RAB3GAP2: variants seen among roughly 807,000 people sequenced by gnomAD.
RAB3GAP2 encodes RAB3 GTPase activating non-catalytic protein subunit 2, also known as rab3 GTPase-activating protein non-catalytic subunit.
In RAB3GAP2, 87 loss-of-function variants were observed where a neutral mutation model predicts 185.3. That is an observed-to-expected ratio of 0.47 (90% confidence interval 0.39 to 0.56). The LOEUF (loss-of-function observed/expected upper bound fraction) is 0.56, where lower values mean the gene tolerates loss of function less well. Among genes scored for constraint, RAB3GAP2 ranks in the 20% least tolerant of loss-of-function variants. RAB3GAP2 has a pLI of 0.00. For missense variants in RAB3GAP2, 1,492 were observed against 1,638.2 expected (o/e 0.91, Z 1.54); for synonymous variants, 554 against 576.1 (o/e 0.96, Z 0.55).
intron 1 of RAB3GAP2, among the ~76,000 whole-genome samples, chr1:220,257,008 C>G (rs1198269353): frequency 1.3e-5 from 2 of 152,210 alleles, no homozygotes; most frequent in African/African-American, 4.8e-5. Flanking sequence ...GTAAAACACT[C>G]CTCAGCAAAT....
At chr1:220,175,363 C>G (rs560294411) in intron 21 of RAB3GAP2, among the ~76,000 whole-genome samples, 2 of 151,966 alleles carry the variant, frequency 1.3e-5, no homozygotes. Context: ...GGACTACAGG[C>G]GCGAGCCACC....
Position 220,171,914 on chromosome 1 carries a change from A to C in RAB3GAP2, c.2552T>G (p.Ile851Arg). Residue 851 changes from isoleucine (I) to arginine (R), a missense_variant, in exon 23 of 35, where the codon ATA becomes AGA. Ile to Arg is a moderately conservative substitution (Grantham distance 97). Coordinates refer to ENST00000358951, the MANE Select transcript of RAB3GAP2 (RefSeq NM_012414.4). ...AHVGHSVAAQ[I>R]SNNMTEKKFS... ...TTTTTTCTCTGTCATGTTGTTTGAT[A>C]TCTGTGCAGCAACAGAATGCCCAAC... is the stretch of plus-strand genomic sequence containing the variant. The C allele has an allele frequency of 6.2e-7, 1 of 1,614,160 alleles. No individual in the cohort carries two copies. Among genetic ancestry groups the C allele is most frequent in the East Asian group, 2.2e-5 (1 of 44,874 alleles).
At chr1:220,268,033 A>G (rs1484234325) in intron 1 of RAB3GAP2, 3 of 500,990 alleles carry the variant, frequency 6.0e-6, no homozygotes, top group South Asian at 3.6e-5. Context: ...ATGTTTTTAC[A>G]TATCCTCTAG....
chr1:220,250,956 G>T (rs911246385), intron 1 of RAB3GAP2, among the ~76,000 whole-genome samples: 2 of 152,130 alleles, frequency 1.3e-5, no homozygotes, highest in Non-Finnish European at 1.5e-5. Flanking sequence ...CCAGTCTCAG[G>T]TTATTTCCTT....
At chr1:220,223,937 T>G (rs1206689818) in intron 2 of RAB3GAP2, among the ~76,000 whole-genome samples, 2 of 130,922 alleles carry the variant, frequency 1.5e-5, no homozygotes, top group Non-Finnish European at 3.1e-5. Context: ...GCCTGGGAGG[T>G]CGAGGCTGAA....
chr1:220,182,960 C>A, intron 19 of RAB3GAP2, 29 bp from the exon 20 acceptor site: 1 of 1,541,528 alleles, frequency 6.5e-7, no homozygotes, highest in Non-Finnish European at 8.9e-7. Flanking sequence ...AACAAAACAA[C>A]ATTCCACATC....
rs1350865023 is a variant in RAB3GAP2, at chr1:220,149,460, A to ATAAC, written c.*1787_*1790dup. ...GAGGATTTATTCTTTAAAAATACCT[A>ATAAC]TAACTCCAAGTTTCTTTGACTAGCC... On this transcript the variant is annotated 3_prime_UTR_variant, in exon 35 of 35. Transcript: ENST00000358951. 9 of 152,226 alleles carry ATAAC rather than the reference A, an allele frequency of 5.9e-5. No individual in the cohort carries two copies. Among genetic ancestry groups the ATAAC allele is most frequent in the Admixed American group, 5.9e-4 (9 of 15,282 alleles). The allele number at this position is 152,226 out of a possible 1,614,324, so 9.4% of individuals were successfully genotyped here. A position where few individuals can be genotyped will look rare whatever the true frequency, so the allele number is the denominator to read the frequency against.
intron 10 of RAB3GAP2, 40 bp downstream of exon 10, chr1:220,196,210 C>G (rs766164129): frequency 2.5e-6 from 4 of 1,598,978 alleles, no homozygotes; most frequent in Non-Finnish European, 3.4e-6. Context: ...ATTGTAAAAT[C>G]AAGAGCAGCC....
At chr1:220,269,393 C>T (rs1286089521) in intron 1 of RAB3GAP2, among the ~76,000 whole-genome samples, 4 of 152,150 alleles carry the variant, frequency 2.6e-5, no homozygotes, top group Admixed American at 6.5e-5. Flanking sequence ...TTGGATTTTA[C>T]GTTAAGTGCA....
At chr1:220,224,437 G>A (rs1385112927) in intron 2 of RAB3GAP2, among the ~76,000 whole-genome samples, 2 of 152,260 alleles carry the variant, frequency 1.3e-5, no homozygotes, top group East Asian at 3.9e-4. Context: ...ATAAATCACA[G>A]TACAGCTATA....
chr1:220,175,169 T>C (rs570018861), intron 21 of RAB3GAP2, among the ~76,000 whole-genome samples: 1 of 152,310 alleles, frequency 6.6e-6, no homozygotes, highest in East Asian at 1.9e-4. Context: ...TTGATAAATT[T>C]TACATACAAA....
chr1:220,260,134 G>A (rs1660105507), intron 1 of RAB3GAP2, among the ~76,000 whole-genome samples: 1 of 152,228 alleles, frequency 6.6e-6, no homozygotes, highest in Non-Finnish European at 1.5e-5. Context: ...CTTTTACACT[G>A]TTGGTGGGAG....
At chr1:220,171,832 G>T (rs1658183449) in intron 23 of RAB3GAP2, 57 bp downstream of exon 23, 9 of 1,605,526 alleles carry the variant, frequency 5.6e-6, no homozygotes, top group Middle Eastern at 3.6e-4. Flanking sequence ...GAAAAGGAAA[G>T]CATCCCCTTA....
At chr1:220,188,104 G>GAA (rs201924459) in intron 17 of RAB3GAP2, among the ~76,000 whole-genome samples, 14 of 135,186 alleles carry the variant, frequency 1.0e-4, no homozygotes, top group South Asian at 2.3e-4. Flanking sequence ...TGGTGTGTGG[G>GAA]AAAAAAAAAA....
chr1:220,200,635 A>T (rs758755032), intron 9 of RAB3GAP2: 7 of 526,790 alleles, frequency 1.3e-5, no homozygotes. Context: ...TTTAATTAAC[A>T]GAGCAGGGAA....
At chr1:220,182,173 A>C in intron 21 of RAB3GAP2, 84 bp downstream of exon 21, 3 of 1,590,772 alleles carry the variant, frequency 1.9e-6, no homozygotes, top group Non-Finnish European at 2.6e-6. Flanking sequence ...CCTAAAAGAC[A>C]ATAGTTAAAA....
At chr1:220,160,260 C>T (rs1657941102) in intron 28 of RAB3GAP2, among the ~76,000 whole-genome samples, 1 of 152,074 alleles carries the variant, frequency 6.6e-6, no homozygotes. Flanking sequence ...AAAAGTTCTG[C>T]CCTCAGAAAT....
chr1:220,168,873 ATTATAC>A (rs1302622481), intron 24 of RAB3GAP2, among the ~76,000 whole-genome samples: 1 of 152,244 alleles, frequency 6.6e-6, no homozygotes, highest in Non-Finnish European at 1.5e-5. Flanking sequence ...TCGAAAACAA[ATTATAC>A]TCTATTGTTT....
chr1:220,267,599 A>C, intron 1 of RAB3GAP2: 1 of 1,365,506 alleles, frequency 7.3e-7, no homozygotes, highest in Non-Finnish European at 1.0e-6. Flanking sequence ...GATTATTTTC[A>C]GGTGCCGACA....
Sources: gnomAD v4.1 joint callset for allele counts (sites outside exome capture counted in the v4.1 genomes callset) on GRCh38, gnomAD v4.1.1 for gene constraint, MANE v1.5 for transcripts, NCBI Gene and HGNC (gene_info 2026-07-23, HGNC 2026-07-21) for gene names.